PLXNA2: variants seen among roughly 807,000 people sequenced by gnomAD.
PLXNA2 encodes the protein plexin A2, also known as plexin-A2.
In PLXNA2, 91 loss-of-function variants were observed where a neutral mutation model predicts 193.5. The observed-to-expected ratio is 0.47, with a 90% CI of 0.40 to 0.56. The LOEUF (loss-of-function observed/expected upper bound fraction) is 0.56, where lower values mean the gene tolerates loss of function less well. Ranked by LOEUF, PLXNA2 falls within the 20% of genes least tolerant of loss-of-function variation. The pLI is 0.00. For missense variants in PLXNA2, 1,995 were observed against 2,503.2 expected (o/e 0.80, Z 4.33); for synonymous variants, 997 against 1,027.3 (o/e 0.97, Z 0.56).
At chr1:208,185,721 A>C (rs1421109112) in intron 3 of PLXNA2, among the ~76,000 whole-genome samples, 19 of 124,556 alleles carry the variant, frequency 1.5e-4, no homozygotes, top group Middle Eastern at 4.6e-3. Flanking sequence ...AAAAAAAAGG[A>C]AAAAAAAAAA....
intron 3 of PLXNA2, among the ~76,000 whole-genome samples, chr1:208,150,457 G>A (rs966982939): frequency 1.3e-5 from 2 of 152,144 alleles, no homozygotes; most frequent in African/African-American, 4.8e-5. Context: ...GTCCCCAGAG[G>A]ACTCACTTGT....
intron 4 of PLXNA2, among the ~76,000 whole-genome samples, chr1:208,124,462 T>A (rs904747978): frequency 6.6e-6 from 1 of 151,808 alleles, no homozygotes; most frequent in African/African-American, 2.4e-5. Flanking sequence ...GCAGATCACC[T>A]GAGGTCAGGA....
In PLXNA2 at chr1:208,222,406, C is replaced by T. The variant is rs186586845; in HGVS notation, c.-80-4404G>A. On this transcript the variant is annotated intron_variant, in intron 1 of 31. Transcript: ENST00000367033. ...ACCAGGTATGCTGCTCCAGGACTCT[C>T]GCCTGAACAAGAGAGTCTCCCAGCA... Among the ~76,000 whole-genome samples the T allele has an allele frequency of 2.7e-4, 41 of 152,176 alleles. No homozygotes were observed. In the East Asian group the frequency reaches 3.3e-3, roughly 12 times the overall value.
chr1:208,225,142 G>A lies in PLXNA2; in HGVS notation c.-80-7140C>T, dbSNP rs566763138. Among the ~76,000 whole-genome samples the A allele has an allele frequency of 9.8e-4, 149 of 152,308 alleles. 3 individuals are homozygous for A. Among genetic ancestry groups the A allele is most frequent in the Non-Finnish European group, 2.6e-4 (18 of 68,024 alleles). Reference sequence around the variant, plus strand: ...TCCATCTCTGCAGTGGTGAACAGAGGCAGGGTAATGGGGCACAAGTGCAGG... The same window carrying A: ...TCCATCTCTGCAGTGGTGAACAGAGACAGGGTAATGGGGCACAAGTGCAGG... On this transcript the variant is annotated intron_variant, in intron 1 of 31. Coordinates refer to ENST00000367033, the MANE Select transcript of PLXNA2 (RefSeq NM_025179.4).
rs191223631 is a variant in PLXNA2, at chr1:208,208,096, G to A, written c.1371+2184C>T. ...GCAGCCCCTAGTGTGTGCTGTGCAC[G>A]ATGCATGGAGATATGGGGAAAGTCA... On this transcript the variant is annotated intron_variant, in intron 3 of 31. Coordinates refer to ENST00000367033, the MANE Select transcript of PLXNA2 (RefSeq NM_025179.4). Among the ~76,000 whole-genome samples, 105 of 152,374 alleles carry A rather than the reference G, an allele frequency of 6.9e-4. 1 individual carries two copies. The highest frequency in any genetic ancestry group is 2.4e-3 in the African/African-American group (101 of 41,588).
At chr1:208,168,848 C>T (rs183635752) in intron 3 of PLXNA2, among the ~76,000 whole-genome samples, 18 of 148,172 alleles carry the variant, frequency 1.2e-4, no homozygotes, top group Non-Finnish European at 1.2e-4. Context: ...GACCCAATCT[C>T]AACCAGGACA....
At chr1:208,161,987 G>A (rs1378163977) in intron 3 of PLXNA2, among the ~76,000 whole-genome samples, 1 of 152,214 alleles carries the variant, frequency 6.6e-6, no homozygotes, top group Non-Finnish European at 1.5e-5. Flanking sequence ...AGGAGAGGGG[G>A]AGCAGGAGCC....
chr1:208,146,117 G>C (rs1668593492), intron 3 of PLXNA2, among the ~76,000 whole-genome samples: 1 of 152,170 alleles, frequency 6.6e-6, no homozygotes, highest in Non-Finnish European at 1.5e-5. Context: ...CAGATCCCCT[G>C]GGCAGCAGAG....
At chr1:208,183,684 G>C (rs1669914745) in intron 3 of PLXNA2, among the ~76,000 whole-genome samples, 1 of 152,140 alleles carries the variant, frequency 6.6e-6, no homozygotes, top group Non-Finnish European at 1.5e-5. Context: ...TTTTACCTGG[G>C]AAACAGATCA....
chr1:208,048,765 C>T (rs143287004), intron 17 of PLXNA2, among the ~76,000 whole-genome samples: 1 of 152,334 alleles, frequency 6.6e-6, no homozygotes, highest in East Asian at 1.9e-4. Context: ...CGTACTCACT[C>T]TCCAGAATTT....
chr1:208,164,939 C>T (rs2102520480), intron 3 of PLXNA2, among the ~76,000 whole-genome samples: 1 of 152,324 alleles, frequency 6.6e-6, no homozygotes, highest in South Asian at 2.1e-4. Context: ...TAGGTGGGGG[C>T]CTTGCCAGGG....
At chr1:208,153,315 G>A (rs780047086) in intron 3 of PLXNA2, among the ~76,000 whole-genome samples, 2 of 152,210 alleles carry the variant, frequency 1.3e-5, no homozygotes, top group Non-Finnish European at 2.9e-5. Flanking sequence ...CGGAGGCATA[G>A]TAGGGTGAGG....
chr1:208,044,787 T>C lies in PLXNA2; in HGVS notation c.3640-45A>G, dbSNP rs1664999989. The C allele has an allele frequency of 3.4e-6, 5 of 1,470,978 alleles. No homozygotes were observed. Among genetic ancestry groups the C allele is most frequent in the Non-Finnish European group, 4.7e-6 (5 of 1,061,424 alleles). 91.1% of individuals were successfully genotyped at this position (1,470,978 alleles called of 1,614,324 possible). A position where few individuals can be genotyped will look rare whatever the true frequency, so the allele number is the denominator to read the frequency against. On this transcript the variant is annotated intron_variant, in intron 19 of 31. Coordinates refer to ENST00000367033, the MANE Select transcript of PLXNA2 (RefSeq NM_025179.4). This position sits in a 1 kb window ranked among gnomAD's most constrained non-coding sequence, Gnocchi z 4.9. ...AGACGCACATGGATGCACACAGGTGTAGAGCCCGGGCATGCCAGCAGATCC... is the reference window on the plus strand; with the variant it reads ...AGACGCACATGGATGCACACAGGTGCAGAGCCCGGGCATGCCAGCAGATCC...
intron 13 of PLXNA2, among the ~76,000 whole-genome samples, chr1:208,057,922 A>C (rs990129043): frequency 3.3e-5 from 5 of 152,200 alleles, no homozygotes; most frequent in African/African-American, 1.2e-4. Flanking sequence ...GAAATCATCT[A>C]TTCCTAAATA....
intron 26 of PLXNA2, among the ~76,000 whole-genome samples, chr1:208,035,311 T>A (rs1017159723): frequency 6.6e-6 from 1 of 152,232 alleles, no homozygotes; most frequent in African/African-American, 2.4e-5. Flanking sequence ...ATATTCTAAC[T>A]TGGAATTTTA....
At chr1:208,132,070 A>G (rs1054540196) in intron 4 of PLXNA2, among the ~76,000 whole-genome samples, 11 of 151,086 alleles carry the variant, frequency 7.3e-5, no homozygotes, top group African/African-American at 2.7e-4. Context: ...CGCAGGAGAA[A>G]CTCCGCGGTA....
At chr1:208,198,412 C>T (rs1426656561) in intron 3 of PLXNA2, among the ~76,000 whole-genome samples, 1 of 152,248 alleles carries the variant, frequency 6.6e-6, no homozygotes, top group Non-Finnish European at 1.5e-5. Flanking sequence ...TGGCCCCACG[C>T]TTTACCCAGC....
At chr1:208,121,329 G>T (rs1667800525) in intron 4 of PLXNA2, among the ~76,000 whole-genome samples, 1 of 152,136 alleles carries the variant, frequency 6.6e-6, no homozygotes, top group Admixed American at 6.5e-5. Context: ...AATGGTCTCT[G>T]TGTTTTAGAA....
In PLXNA2 at chr1:208,028,732, A is replaced by T; in HGVS notation, c.5438+98T>A. The stretch of plus-strand genomic sequence containing the variant: ...GGGAGTGGGAGGTCCTGAAGAGATG[A>T]CAGACACCGTCGTCTGAGTCCTTAG... On this transcript the variant is annotated intron_variant, in intron 30 of 31. Transcript: ENST00000367033. This position sits in a 1 kb window ranked among gnomAD's most constrained non-coding sequence, Gnocchi z 4.2. 1 of 1,127,578 alleles carries T rather than the reference A, an allele frequency of 8.9e-7. No individual in the cohort carries two copies. Among genetic ancestry groups the T allele is most frequent in the South Asian group, 1.5e-5 (1 of 67,660 alleles). 69.8% of individuals were successfully genotyped at this position (1,127,578 alleles called of 1,614,324 possible). A position where few individuals can be genotyped will look rare whatever the true frequency, so the allele number is the denominator to read the frequency against.
Sources: gnomAD v4.1 joint callset for allele counts (sites outside exome capture counted in the v4.1 genomes callset) on GRCh38, gnomAD v4.1.1 for gene constraint, Gnocchi (gnomAD v3.1) non-coding constraint, MANE v1.5 for transcripts, NCBI Gene and HGNC (gene_info 2026-07-23, HGNC 2026-07-21) for gene names.